PCNX2: variants seen among roughly 807,000 people sequenced by gnomAD.
PCNX2 encodes the protein pecanex 2, also known as pecanex-like protein 2.
PCNX2 carries 168 observed loss-of-function variants against 223.8 expected under a neutral mutation model. The ratio of observed to expected loss-of-function variants is 0.75; its 90% CI spans 0.66 to 0.85. PCNX2 has a LOEUF of 0.85. Among genes scored for constraint, PCNX2 ranks in the 40% least tolerant of loss-of-function variants. PCNX2 has a pLI of 0.00. For synonymous variants in PCNX2, 1,006 were observed against 1,052.6 expected (o/e 0.96, Z 0.86); for missense variants, 2,507 against 2,675.5 (o/e 0.94, Z 1.39).
chr1:233,258,849 T>C lies in PCNX2; in HGVS notation c.1013A>G (p.Gln338Arg). 3.7e-6 allele frequency: 6 copies of C among 1,613,950 alleles called. No homozygotes were observed. Among genetic ancestry groups the C allele is most frequent in the African/African-American group, 2.7e-5 (2 of 75,042 alleles). The change falls in exon 5 of 34, where the codon CAG becomes CGG. Residue 338 changes from glutamine to arginine, a missense_variant. Transcript: ENST00000258229. ...TTCCTGGTGCAAGGGCAGGTCCCCC[T>C]GGCAGGAGGTATCTACCTGACAGGA... ...DTSCQVDTSCQGDLPLHQEVD... is the reference protein window; with the variant it reads ...DTSCQVDTSCRGDLPLHQEVD...
chr1:233,125,287 T>A (rs540782989), intron 21 of PCNX2, among the ~76,000 whole-genome samples: 1 of 152,344 alleles, frequency 6.6e-6, no homozygotes, highest in East Asian at 1.9e-4. Flanking sequence ...GTTTCACGGG[T>A]CACTTCTCAA....
chr1:233,275,686 G>A (rs925391044), intron 1 of PCNX2, among the ~76,000 whole-genome samples: 1 of 152,096 alleles, frequency 6.6e-6, no homozygotes, highest in African/African-American at 2.4e-5. Context: ...TGAAAGCATG[G>A]TCTCAAAGAG....
At chr1:233,244,725 T>C (rs1013781568) in intron 8 of PCNX2, among the ~76,000 whole-genome samples, 1 of 152,032 alleles carries the variant, frequency 6.6e-6, no homozygotes, top group African/African-American at 2.4e-5. Flanking sequence ...AAATTAAAAA[T>C]AAAAATAATA....
At chr1:233,155,512 A>C (rs1678065121) in intron 19 of PCNX2, among the ~76,000 whole-genome samples, 2 of 152,248 alleles carry the variant, frequency 1.3e-5, no homozygotes, top group South Asian at 4.1e-4. Context: ...TGAATAAACA[A>C]GTAAATAAAT....
intron 32 of PCNX2, among the ~76,000 whole-genome samples, chr1:232,989,508 C>A (rs192276472): frequency 7.0e-4 from 106 of 152,258 alleles, no homozygotes; most frequent in African/African-American, 2.6e-3. Context: ...TCTGTCATGC[C>A]CTTCCCAGAG....
chr1:233,305,790 C>A, the PCNX2 span, among the ~76,000 whole-genome samples: 2 of 152,000 alleles, frequency 1.3e-5, no homozygotes, highest in South Asian at 4.1e-4. Context: ...AAAGGAAACA[C>A]AAGAATGAAC....
intron 17 of PCNX2, among the ~76,000 whole-genome samples, chr1:233,175,624 G>T (rs578165070): frequency 1.3e-5 from 2 of 152,226 alleles, no homozygotes; most frequent in Non-Finnish European, 2.9e-5. Flanking sequence ...ATGTCAGTTT[G>T]ACCTTCTCCC....
At chr1:233,033,218 C>G in intron 25 of PCNX2, 1 of 983,390 alleles carries the variant, frequency 1.0e-6, no homozygotes, top group East Asian at 1.1e-4. Context: ...CTACCAATGC[C>G]AAGCCCAGCC....
At chr1:233,089,602 C>T (rs951476673) in intron 23 of PCNX2, among the ~76,000 whole-genome samples, 2 of 152,174 alleles carry the variant, frequency 1.3e-5, no homozygotes, top group Non-Finnish European at 2.9e-5. Flanking sequence ...TTTTATGGCA[C>T]TCAGAAAAGT....
intron 1 of PCNX2, chr1:233,284,962 C>A (rs1430182038): frequency 7.1e-6 from 7 of 985,188 alleles, no homozygotes; most frequent in Non-Finnish European, 8.4e-6. Context: ...AAAATGAAGA[C>A]TCAAACAGTC....
chr1:233,290,041 G>T (rs1661671083), intron 1 of PCNX2, among the ~76,000 whole-genome samples: 1 of 151,784 alleles, frequency 6.6e-6, no homozygotes, highest in Non-Finnish European at 1.5e-5. Flanking sequence ...GGGGAAAGAA[G>T]TAAAGGAGGA....
rs1165345748 is a variant in PCNX2, at chr1:232,991,645, G to A, written c.5792-5105C>T. ...ACCAGTGTCCTTATAAAAAGGGGAC[G>A]TGTGGACACAGAGAAGTACAGGGAG... On this transcript the variant is annotated intron_variant, in intron 32 of 33. Transcript: ENST00000258229. The surrounding 1 kb of genome is among the most constrained non-coding windows in gnomAD (Gnocchi z 4.3). Among the ~76,000 whole-genome samples the A allele has an allele frequency of 1.3e-5, 2 of 152,130 alleles. No individual in the cohort carries two copies. Among genetic ancestry groups the A allele is most frequent in the East Asian group, 1.9e-4 (1 of 5,190 alleles).
chr1:233,178,281 T>C (rs972435172), intron 16 of PCNX2, among the ~76,000 whole-genome samples: 19 of 152,232 alleles, frequency 1.2e-4, no homozygotes, highest in African/African-American at 4.1e-4. Flanking sequence ...GTTTCCCCCA[T>C]TTTTCATGCC....
intron 21 of PCNX2, among the ~76,000 whole-genome samples, chr1:233,117,178 C>A (rs1455633562): frequency 6.6e-6 from 1 of 152,160 alleles, no homozygotes; most frequent in Non-Finnish European, 1.5e-5. Context: ...TTCTCCAGAC[C>A]AGATGGCTTA....
chr1:232,991,508 C>T lies in PCNX2; in HGVS notation c.5792-4968G>A, dbSNP rs1460328057. On this transcript the variant is annotated intron_variant, in intron 32 of 33. Transcript: ENST00000258229. The surrounding 1 kb of genome is among the most constrained non-coding windows in gnomAD (Gnocchi z 4.3). Reference sequence around the variant, plus strand: ...CCCTCCCCAGACTCCTCTGTTGAAGCCCTAACCCCCAGGACCTCAGGGTGG... The same window carrying T: ...CCCTCCCCAGACTCCTCTGTTGAAGTCCTAACCCCCAGGACCTCAGGGTGG... 6.6e-6 allele frequency among the ~76,000 whole-genome samples: 1 copy of T among 152,092 alleles called. No individual in the cohort carries two copies.
intron 25 of PCNX2, among the ~76,000 whole-genome samples, chr1:233,037,904 T>G (rs1350074659): frequency 2.0e-5 from 3 of 152,210 alleles, no homozygotes; most frequent in Non-Finnish European, 4.4e-5. Context: ...TTCACAGAAT[T>G]TTTATTTCAC....
intron 17 of PCNX2, among the ~76,000 whole-genome samples, chr1:233,172,054 C>T (rs1450707541): frequency 6.6e-6 from 1 of 152,144 alleles, no homozygotes; most frequent in Non-Finnish European, 1.5e-5. Context: ...GGCTCTCTTT[C>T]AAACATGCTG....
At chr1:233,073,388 T>C (rs767099449) in intron 23 of PCNX2, among the ~76,000 whole-genome samples, 4 of 152,150 alleles carry the variant, frequency 2.6e-5, no homozygotes, top group Non-Finnish European at 4.4e-5. Flanking sequence ...TGATCCCTAG[T>C]CTAATCATTC....
intron 12 of PCNX2, among the ~76,000 whole-genome samples, chr1:233,211,332 AT>A (rs552399039): frequency 0.033 from 4,693 of 141,922 alleles, 73 homozygotes; most frequent in South Asian, 0.052. Context: ...CCACATTCAG[AT>A]TTTTTTTTTT....
Sources: gnomAD v4.1 joint callset for allele counts (sites outside exome capture counted in the v4.1 genomes callset) on GRCh38, gnomAD v4.1.1 for gene constraint, Gnocchi (gnomAD v3.1) non-coding constraint, MANE v1.5 for transcripts, NCBI Gene and HGNC (gene_info 2026-07-23, HGNC 2026-07-21) for gene names.